Variants in RTCB observed in about 807,000 individuals in gnomAD.
RTCB encodes RNA 2',3'-cyclic phosphate and 5'-OH ligase.
In RTCB, 32 loss-of-function variants were observed where a neutral mutation model predicts 58.2. The observed-to-expected ratio is 0.55, with a 90% CI of 0.41 to 0.74. RTCB has a LOEUF of 0.74. RTCB is among the 30% of genes least tolerant of loss of function. The probability of loss-of-function intolerance (pLI) is 0.00; values close to 1 mark genes in which losing one functional copy is unlikely to be tolerated. For missense variants in RTCB, 523 were observed against 639.0 expected (o/e 0.82, Z 1.96); for synonymous variants, 247 against 218.6 (o/e 1.13, Z -1.15).
chr22:32,394,060 C>A (rs2145890220), intron 9 of RTCB, 58 bp from the exon 10 acceptor site: 1 of 1,211,040 alleles, frequency 8.3e-7, no homozygotes, highest in South Asian at 1.2e-5. Context: ...GCTTTTTATG[C>A]ATAAAATTTA....
chr22:32,402,504 C>T (rs539064334), intron 4 of RTCB, among the ~76,000 whole-genome samples: 2 of 152,186 alleles, frequency 1.3e-5, no homozygotes, highest in East Asian at 3.8e-4. Flanking sequence ...GGCTGGAGTA[C>T]AGTGGGGTGA....
At chr22:32,392,397 A>G (rs1191300799) in intron 10 of RTCB, 38 bp from the exon 11 acceptor site, 1 of 1,613,074 alleles carries the variant, frequency 6.2e-7, no homozygotes, top group African/African-American at 1.3e-5. Context: ...TTTAAACCCT[A>G]AGATGATAAG....
chr22:32,390,229 C>T (rs1933129384), intron 11 of RTCB, among the ~76,000 whole-genome samples: 2 of 152,180 alleles, frequency 1.3e-5, no homozygotes. Context: ...CGAAGGGACT[C>T]GTGTTTCTTT....
At position 32,397,973 on chromosome 22, in the gene RTCB, C is replaced by T. The variant is rs1359865556; in HGVS notation, c.782G>A (p.Gly261Glu). The T allele has an allele frequency of 6.2e-7, 1 of 1,613,652 alleles. No individual in the cohort carries two copies. Among genetic ancestry groups the T allele is most frequent in the African/African-American group, 1.3e-5 (1 of 74,908 alleles). ...TACTTGGTGGCCCAAGCCTCTGCTT[C>T]CACTGTGGATCATCACACACACCTG... ...KGQVCVMIHS[G>E]SRGLGHQVAT... Residue 261 changes from glycine to glutamate, a missense_variant, in exon 7 of 12, where the codon GGA (glycine) becomes GAA (glutamate). By Grantham distance (98) the Gly-to-Glu change is moderately conservative. Coordinates refer to ENST00000216038, the MANE Select transcript of RTCB (RefSeq NM_014306.5).
intron 7 of RTCB, 96 bp downstream of exon 7, chr22:32,397,845 G>T (rs1933271238): frequency 8.4e-7 from 1 of 1,194,670 alleles, no homozygotes; most frequent in Middle Eastern, 2.0e-4. Flanking sequence ...GAGGACTCAG[G>T]ATAAAACCCA....
At chr22:32,388,130 G>T in intron 11 of RTCB, 31 bp from the exon 12 acceptor site, 1 of 1,378,898 alleles carries the variant, frequency 7.3e-7, no homozygotes, top group Non-Finnish European at 1.0e-6. Context: ...CATTGTACAA[G>T]TCCACTGAAA....
chr22:32,388,838 C>A (rs1015775595), intron 11 of RTCB, among the ~76,000 whole-genome samples: 2 of 152,122 alleles, frequency 1.3e-5, no homozygotes, highest in African/African-American at 2.4e-5. Context: ...TGAAACTTTC[C>A]CACTGTGGCC....
intron 5 of RTCB, among the ~76,000 whole-genome samples, chr22:32,400,324 C>T (rs1408656035): frequency 6.6e-6 from 1 of 152,174 alleles, no homozygotes; most frequent in Non-Finnish European, 1.5e-5. Flanking sequence ...CTGAGGTACA[C>T]GTACATTAAA....
In RTCB at chr22:32,394,016, TA is replaced by T; in HGVS notation, c.1180-15del. The T allele has an allele frequency of 6.5e-7, 1 of 1,543,678 alleles. No individual in the cohort carries two copies. Among genetic ancestry groups the T allele is most frequent in the Admixed American group, 1.7e-5 (1 of 59,842 alleles). ...CTGTCCAGTGAGCTGAGGATGCACA[TA>T]AATCAAACATGTTAAAATTCAGAAA... On this transcript the variant is annotated splice_polypyrimidine_tract_variant and intron_variant, in intron 9 of 11. Transcript: ENST00000216038.
intron 4 of RTCB, among the ~76,000 whole-genome samples, chr22:32,406,011 A>T (rs185296886): frequency 3.3e-5 from 5 of 152,258 alleles, no homozygotes; most frequent in Admixed American, 2.6e-4. Flanking sequence ...AGCTGAACTC[A>T]TCTAAGCTAC....
intron 8 of RTCB, 85 bp downstream of exon 8, chr22:32,395,989 C>T (rs915509364): frequency 2.0e-5 from 28 of 1,381,278 alleles, no homozygotes; most frequent in Admixed American, 1.7e-4. Flanking sequence ...CATGAGCCAC[C>T]GTGTCCAGCC....
In RTCB at chr22:32,408,198, C is replaced by T. The variant is rs778584811; in HGVS notation, c.217G>A (p.Ala73Thr). 2.5e-6 allele frequency: 4 copies of T among 1,614,148 alleles called. No individual in the cohort carries two copies. Among genetic ancestry groups the T allele is most frequent in the Non-Finnish European group, 3.4e-6 (4 of 1,180,000 alleles). Residue 73 changes from alanine to threonine, a missense_variant, in exon 3 of 12, where the codon GCA (alanine) becomes ACA (threonine). This residue lies in a region of RTCB where 134 missense variants were observed against 129.9 expected (regional missense o/e 1.03). Transcript: ENST00000216038. ...ACATGAACAATTCCAGGCAGGGCTG[C>T]CACATTGCCAATCTGTTTCATGGCT... The part of the protein sequence containing the change: ...LPAMKQIGNV[A>T]ALPGIVHRSI...
intron 10 of RTCB, among the ~76,000 whole-genome samples, chr22:32,392,932 T>A (rs1933180699): frequency 6.6e-6 from 1 of 152,214 alleles, no homozygotes; most frequent in Non-Finnish European, 1.5e-5. Context: ...ACCTGCTTTT[T>A]AAAATAAACT....
At chr22:32,407,452 C>T (rs567382217) in intron 3 of RTCB, 1 of 152,410 alleles carries the variant, frequency 6.6e-6, no homozygotes, top group Non-Finnish European at 1.5e-5. Flanking sequence ...CTATGCTGTC[C>T]TCTCTTCCTC....
At chr22:32,391,098 C>T (rs988359701) in intron 11 of RTCB, among the ~76,000 whole-genome samples, 1 of 152,148 alleles carries the variant, frequency 6.6e-6, no homozygotes, top group African/African-American at 2.4e-5. Flanking sequence ...CACCATGTAA[C>T]TCCACTTTTG....
intron 4 of RTCB, among the ~76,000 whole-genome samples, chr22:32,405,102 T>C (rs1933398311): frequency 6.6e-6 from 1 of 152,180 alleles, no homozygotes; most frequent in Admixed American, 6.5e-5. Flanking sequence ...AGATTCATTT[T>C]ATAATACTAA....
intron 11 of RTCB, 80 bp downstream of exon 11, chr22:32,392,160 A>AC (rs1933163513): frequency 2.1e-6 from 3 of 1,446,204 alleles, no homozygotes; most frequent in Non-Finnish European, 2.8e-6. Flanking sequence ...GTAACACCCT[A>AC]AATTGCTGTC....
intron 1 of RTCB, among the ~76,000 whole-genome samples, chr22:32,410,184 C>G (rs1933496412): frequency 6.6e-6 from 1 of 152,076 alleles, no homozygotes; most frequent in Non-Finnish European, 1.5e-5. Context: ...ATTAAGTACA[C>G]AGTGCTATGG....
rs138032174 is a variant in RTCB at position 32,410,316 on chromosome 22, T to C, written c.94-1483A>G. ...CTGGCGCAGCAGAACATCTAGGAAC[T>C]AAACGCAAAAATGACGTAAAGATGG... is the stretch of plus-strand genomic sequence containing the variant. On this transcript the variant is annotated intron_variant, in intron 1 of 11. Transcript: ENST00000216038. 4.4e-3 allele frequency among the ~76,000 whole-genome samples: 676 copies of C among 152,150 alleles called. 7 individuals carry two copies. Among genetic ancestry groups the C allele is most frequent in the African/African-American group, 0.016 (649 of 41,514 alleles).
Sources: allele counts gnomAD v4.1 joint callset (sites outside exome capture counted in the v4.1 genomes callset), GRCh38; gene constraint gnomAD v4.1.1; regional missense constraint gnomAD v4.1.1; transcripts MANE v1.5; gene names NCBI Gene and HGNC (gene_info 2026-07-23, HGNC 2026-07-21).